PLPP3: variants seen among roughly 807,000 people sequenced by gnomAD.
PLPP3 encodes phospholipid phosphatase 3, also known as PAP2 beta.
In PLPP3, 6 loss-of-function variants were observed where a neutral mutation model predicts 29.6. That is an observed-to-expected ratio of 0.20 (90% CI 0.11 to 0.40). The LOEUF is 0.40. Ranked by LOEUF, PLPP3 falls within the 10% of genes least tolerant of loss-of-function variation. The probability of loss-of-function intolerance (pLI) is 1.00; values close to 1 mark genes in which losing one functional copy is unlikely to be tolerated. For missense variants in PLPP3, 308 were observed against 407.7 expected (o/e 0.76, Z 2.11); for synonymous variants, 152 against 159.7 (o/e 0.95, Z 0.36).
chr1:56,551,773 G>A (rs1436011206), intron 1 of PLPP3, among the ~76,000 whole-genome samples: 1 of 152,220 alleles, frequency 6.6e-6, no homozygotes, highest in Non-Finnish European at 1.5e-5. Flanking sequence ...TCAGTGCACT[G>A]ACTATACAAA....
In PLPP3 at chr1:56,499,103, T is replaced by A. The variant is rs1241591086; in HGVS notation, c.811-2427A>T. Among the ~76,000 whole-genome samples the A allele has an allele frequency of 7.3e-5, 8 of 109,670 alleles. No homozygotes were observed. The East Asian group carries it at 2.6e-3, about 35-fold the overall frequency. 71.9% of individuals were successfully genotyped at this position (109,670 alleles called of 152,430 possible). On this transcript the variant is annotated intron_variant, in intron 5 of 5. Coordinates refer to ENST00000371250, the MANE Select transcript of PLPP3 (RefSeq NM_003713.5). ...CCCCCCCACCTTCCCCCCTTCAAGA[T>A]CTTGAAGAATCTACCACCTCAATCT...
chr1:56,534,470 C>T (rs1645910741), intron 2 of PLPP3, among the ~76,000 whole-genome samples: 1 of 152,128 alleles, frequency 6.6e-6, no homozygotes, highest in East Asian at 1.9e-4. Flanking sequence ...CCAACTCAGT[C>T]AAGGCCTCTC....
chr1:56,540,431 T>C (rs1200169486), intron 1 of PLPP3, among the ~76,000 whole-genome samples: 1 of 152,022 alleles, frequency 6.6e-6, no homozygotes, highest in Non-Finnish European at 1.5e-5. Flanking sequence ...TCAATGAATG[T>C]TAAAAAGAGA....
At chr1:56,509,271 TG>T (rs1417983951) in intron 5 of PLPP3, among the ~76,000 whole-genome samples, 8 of 152,224 alleles carry the variant, frequency 5.3e-5, no homozygotes, top group Non-Finnish European at 8.8e-5. Flanking sequence ...AAGCAATAAC[TG>T]GATCCACCCA....
chr1:56,499,284 C>T (rs759803517), intron 5 of PLPP3, among the ~76,000 whole-genome samples: 22 of 152,110 alleles, frequency 1.4e-4, no homozygotes, highest in Non-Finnish European at 3.1e-4. Flanking sequence ...CAATAGAAGG[C>T]ATTCCGTTCT....
At chr1:56,498,638 CTT>C (rs559651197) in intron 5 of PLPP3, among the ~76,000 whole-genome samples, 3 of 144,688 alleles carry the variant, frequency 2.1e-5, no homozygotes, top group Non-Finnish European at 3.0e-5. Flanking sequence ...TCACTACTTT[CTT>C]TTTTTTTTTT....
At chr1:56,571,667 T>A (rs2100309470) in intron 1 of PLPP3, among the ~76,000 whole-genome samples, 1 of 152,328 alleles carries the variant, frequency 6.6e-6, no homozygotes, top group South Asian at 2.1e-4. Context: ...GTTTTGCAAT[T>A]ATTTACATAT....
chr1:56,520,910 C>CAAAAAAAAAAAA (rs1169318077), intron 4 of PLPP3, among the ~76,000 whole-genome samples: 1 of 61,908 alleles, frequency 1.6e-5, no homozygotes, highest in Non-Finnish European at 2.7e-5. Context: ...GACTCCATCT[C>CAAAAAAAAAAAA]AAAAAAAAAA....
intron 4 of PLPP3, chr1:56,512,383 G>T: frequency 2.3e-6 from 1 of 440,116 alleles, no homozygotes. Flanking sequence ...TGGCTGAGGT[G>T]GGCAGATCAC....
rs182868704 is a variant in PLPP3, at chr1:56,548,617, G to A, written c.140-11505C>T. ...TTGAAGGGGAGACTCCTCACTGGGA[G>A]AATTATGAGCTACAGAAGTTAATAA... On this transcript the variant is annotated intron_variant, in intron 1 of 5. Coordinates refer to ENST00000371250, the MANE Select transcript of PLPP3 (RefSeq NM_003713.5). Among the ~76,000 whole-genome samples, 457 of 152,280 alleles carry A rather than the reference G, an allele frequency of 3.0e-3. 14 individuals carry two copies. Among genetic ancestry groups the A allele is most frequent in the Admixed American group, 0.028 (427 of 15,296 alleles).
intron 1 of PLPP3, among the ~76,000 whole-genome samples, chr1:56,557,564 G>A (rs1205294621): frequency 2.6e-5 from 4 of 152,158 alleles, no homozygotes; most frequent in Non-Finnish European, 4.4e-5. Flanking sequence ...TTAAGTGGGT[G>A]AATGAATGCA....
At chr1:56,517,369 T>C (rs980631613) in intron 4 of PLPP3, among the ~76,000 whole-genome samples, 10 of 152,388 alleles carry the variant, frequency 6.6e-5, no homozygotes, top group Non-Finnish European at 1.5e-4. Flanking sequence ...AAAAGAATTT[T>C]CGATTGACTT....
rs751372035 is a variant in PLPP3, at chr1:56,537,030, C to G, written c.222G>C (p.Lys74Asn). Residue 74 changes from lysine to asparagine, a missense_variant, in exon 2 of 6, where the codon AAG becomes AAC. This residue lies in a region of PLPP3 where 232 missense variants were observed against 317.2 expected (regional missense o/e 0.73). Transcript: ENST00000371250. ...TTGTCTCACCAGTTTTCAGTGGGTACTTGATGCTCTCATCATTGCAGTAAA... is the reference window on the plus strand; with the variant it reads ...TTGTCTCACCAGTTTTCAGTGGGTAGTTGATGCTCTCATCATTGCAGTAAA... ...RGFYCNDESI[K>N]YPLKTGETIN... The G allele has an allele frequency of 8.1e-6, 13 of 1,613,602 alleles. No individual in the cohort carries two copies. Among genetic ancestry groups the G allele is most frequent in the Non-Finnish European group, 1.0e-5 (12 of 1,179,842 alleles).
At chr1:56,554,636 T>C (rs920519899) in intron 1 of PLPP3, among the ~76,000 whole-genome samples, 1 of 152,114 alleles carries the variant, frequency 6.6e-6, no homozygotes, top group Admixed American at 6.5e-5. Flanking sequence ...GAAAGTATTG[T>C]TATTATTCAT....
intron 4 of PLPP3, among the ~76,000 whole-genome samples, chr1:56,515,833 G>A (rs910980927): frequency 6.6e-6 from 1 of 152,192 alleles, no homozygotes; most frequent in African/African-American, 2.4e-5. Flanking sequence ...CACTTACTAA[G>A]TGGGTGGTCA....
chr1:56,576,490 T>C, intron 1 of PLPP3, among the ~76,000 whole-genome samples: 1 of 152,200 alleles, frequency 6.6e-6, no homozygotes, highest in East Asian at 1.9e-4. Flanking sequence ...ACAAAGAATT[T>C]TTCCTGTTAA....
rs373580360 is a variant in PLPP3, at chr1:56,524,249, C to T, written c.575+28G>A. The T allele has an allele frequency of 2.5e-6, 4 of 1,611,240 alleles. No homozygotes were observed. Among genetic ancestry groups the T allele is most frequent in the East Asian group, 2.2e-5 (1 of 44,858 alleles). The stretch of plus-strand genomic sequence containing the variant: ...CTGCACTGTATGAAAGGGGTCCAGG[C>T]TCTGGCCATGCGGAGGTGGTGTCTC... On this transcript the variant is annotated intron_variant, in intron 3 of 5. Transcript: ENST00000371250. The surrounding 1 kb of genome is among the most constrained non-coding windows in gnomAD (Gnocchi z 4.3).
At chr1:56,529,094 T>C (rs374384305) in intron 2 of PLPP3, among the ~76,000 whole-genome samples, 1 of 152,040 alleles carries the variant, frequency 6.6e-6, no homozygotes, top group Admixed American at 6.6e-5. Flanking sequence ...CTTTACAGCT[T>C]TCAAAGCACT....
At chr1:56,515,366 G>A (rs1645774388) in intron 4 of PLPP3, among the ~76,000 whole-genome samples, 1 of 152,126 alleles carries the variant, frequency 6.6e-6, no homozygotes, top group African/African-American at 2.4e-5. Context: ...CCCTGCCCCT[G>A]CATGCAGGCT....
Sources: allele counts gnomAD v4.1 joint callset (sites outside exome capture counted in the v4.1 genomes callset), GRCh38; gene constraint gnomAD v4.1.1; regional missense constraint gnomAD v4.1.1; non-coding constraint Gnocchi (gnomAD v3.1); transcripts MANE v1.5; gene names NCBI Gene and HGNC (gene_info 2026-07-23, HGNC 2026-07-21).